Variants in HS3ST4 observed in about 807,000 individuals in gnomAD.
The protein encoded by HS3ST4 is heparan sulfate-glucosamine 3-sulfotransferase 4, also known as heparan sulfate glucosamine 3-O-sulfotransferase 4.
A neutral mutation model predicts 29.2 loss-of-function variants in HS3ST4; 17 were observed. The observed-to-expected ratio is 0.58, with a 90% CI of 0.40 to 0.87. The LOEUF is 0.87. Ranked by LOEUF, HS3ST4 falls within the 40% of genes least tolerant of loss-of-function variation. The probability of loss-of-function intolerance (pLI) is 0.00; values close to 1 mark genes in which losing one functional copy is unlikely to be tolerated. For missense variants in HS3ST4, 627 were observed against 634.5 expected (o/e 0.99, Z 0.13); for synonymous variants, 314 against 285.7 (o/e 1.10, Z -1.00).
At chr16:25,895,123 G>T (rs1247501874) in intron 1 of HS3ST4, among the ~76,000 whole-genome samples, 1 of 144,614 alleles carries the variant, frequency 6.9e-6, no homozygotes. Context: ...AGAGGGAAGG[G>T]TAGATGGGTG....
chr16:26,102,191 C>T (rs1475395719), intron 1 of HS3ST4, among the ~76,000 whole-genome samples: 3 of 152,054 alleles, frequency 2.0e-5, no homozygotes, highest in Non-Finnish European at 4.4e-5. Context: ...AAAACTGGCA[C>T]CTGAAAGACT....
intron 1 of HS3ST4, among the ~76,000 whole-genome samples, chr16:26,070,848 AG>A (rs1422137337): frequency 1.3e-5 from 2 of 152,184 alleles, no homozygotes; most frequent in Non-Finnish European, 2.9e-5. Flanking sequence ...TTTTTAAAAA[AG>A]GCATTCCATT....
chr16:25,973,082 A>T (rs1968912371), intron 1 of HS3ST4, among the ~76,000 whole-genome samples: 1 of 152,080 alleles, frequency 6.6e-6, no homozygotes, highest in Non-Finnish European at 1.5e-5. Flanking sequence ...GCACTGGGGG[A>T]TGGATGTTTG....
At chr16:25,905,425 A>G (rs1968169616) in intron 1 of HS3ST4, among the ~76,000 whole-genome samples, 1 of 152,116 alleles carries the variant, frequency 6.6e-6, no homozygotes, top group Non-Finnish European at 1.5e-5. Context: ...AGCAGAGGGA[A>G]CATGTTGGGA....
At chr16:26,017,941 T>G (rs1969376288) in intron 1 of HS3ST4, among the ~76,000 whole-genome samples, 2 of 152,220 alleles carry the variant, frequency 1.3e-5, no homozygotes, top group South Asian at 4.1e-4. Context: ...ACATGAATTT[T>G]CATAATTCAG....
intron 1 of HS3ST4, among the ~76,000 whole-genome samples, chr16:25,805,007 A>T (rs182284920): frequency 6.6e-5 from 10 of 152,158 alleles, no homozygotes; most frequent in African/African-American, 2.2e-4. Flanking sequence ...GGTGGGGTAC[A>T]CAGGGGCTTG....
intron 1 of HS3ST4, among the ~76,000 whole-genome samples, chr16:26,017,472 C>G (rs1969372839): frequency 6.6e-6 from 1 of 152,090 alleles, no homozygotes; most frequent in Admixed American, 6.5e-5. Context: ...AAAAATTGGC[C>G]AGTTTGCAGT....
intron 1 of HS3ST4, among the ~76,000 whole-genome samples, chr16:25,985,200 T>A (rs74013233): frequency 0.027 from 4,059 of 152,276 alleles, 164 homozygotes; most frequent in African/African-American, 0.093. Flanking sequence ...TTGGGAACTG[T>A]ATGACACCTG....
At chr16:25,850,619 T>A (rs116705013) in intron 1 of HS3ST4, among the ~76,000 whole-genome samples, 108 of 152,308 alleles carry the variant, frequency 7.1e-4, no homozygotes, top group African/African-American at 2.6e-3. Context: ...TTCTCCAAGC[T>A]CCCACAGCTC....
chr16:25,709,608 G>A (rs1323691430), intron 1 of HS3ST4, among the ~76,000 whole-genome samples: 2 of 152,028 alleles, frequency 1.3e-5, no homozygotes, highest in East Asian at 3.9e-4. Context: ...TACCAAGGTG[G>A]ACACAAACAG....
At chr16:25,843,716 A>C (rs1967438097) in intron 1 of HS3ST4, among the ~76,000 whole-genome samples, 1 of 152,210 alleles carries the variant, frequency 6.6e-6, no homozygotes, top group African/African-American at 2.4e-5. Context: ...AACTGTAATC[A>C]GCTCTAATCT....
intron 1 of HS3ST4, among the ~76,000 whole-genome samples, chr16:25,936,954 C>G (rs1968522455): frequency 6.6e-6 from 1 of 152,158 alleles, no homozygotes; most frequent in Non-Finnish European, 1.5e-5. Flanking sequence ...CTTTGTACCA[C>G]CAAATATTTG....
At chr16:26,081,301 A>G (rs1898721423) in intron 1 of HS3ST4, among the ~76,000 whole-genome samples, 1 of 152,024 alleles carries the variant, frequency 6.6e-6, no homozygotes, top group African/African-American at 2.4e-5. Flanking sequence ...AAAAAAAAAA[A>G]AAATTCAGAT....
intron 1 of HS3ST4, chr16:26,062,637 T>G (rs977791815): frequency 4.0e-5 from 6 of 151,354 alleles, no homozygotes; most frequent in African/African-American, 1.2e-4. Context: ...AGTTTAGATA[T>G]AATTCATTTA....
intron 1 of HS3ST4, among the ~76,000 whole-genome samples, chr16:25,842,812 C>T (rs1271357703): frequency 1.3e-5 from 2 of 152,114 alleles, no homozygotes; most frequent in African/African-American, 4.8e-5. Context: ...TGTACTGGCT[C>T]CACTGTTTGC....
chr16:25,732,685 C>T (rs79035682), intron 1 of HS3ST4, among the ~76,000 whole-genome samples: 167 of 152,246 alleles, frequency 1.1e-3, no homozygotes, highest in African/African-American at 3.9e-3. Flanking sequence ...ACAGCAACAA[C>T]AATCATAAAA....
intron 1 of HS3ST4, among the ~76,000 whole-genome samples, chr16:25,741,693 T>C (rs990767673): frequency 2.6e-5 from 4 of 152,154 alleles, no homozygotes; most frequent in Non-Finnish European, 2.9e-5. Context: ...AGACCACATA[T>C]GTTGCTCTTG....
At chr16:25,824,971 C>G (rs1246804857) in intron 1 of HS3ST4, 4 of 152,168 alleles carry the variant, frequency 2.6e-5, no homozygotes, top group Non-Finnish European at 5.9e-5. Flanking sequence ...AGAGTCTCTA[C>G]AGATGTGATC....
rs756492188 is a variant in HS3ST4, at chr16:25,879,383, G to C, written c.734+186232G>C. On this transcript the variant is annotated intron_variant, in intron 1 of 1. Transcript: ENST00000331351. ...GACTGGGCAATTTACAAAAGAAAGG[G>C]GTTTATTGGACTTAAAGTTCCACGT... Among the ~76,000 whole-genome samples, 209 of 152,096 alleles carry C rather than the reference G, an allele frequency of 1.4e-3. 2 individuals are homozygous for C. Among genetic ancestry groups the C allele is most frequent in the Non-Finnish European group, 9.7e-4 (66 of 68,018 alleles).
Sources: gnomAD v4.1 joint callset for allele counts (sites outside exome capture counted in the v4.1 genomes callset) on GRCh38, gnomAD v4.1.1 for gene constraint, MANE v1.5 for transcripts, NCBI Gene and HGNC (gene_info 2026-07-23, HGNC 2026-07-21) for gene names.